The following CNIH3 variants were observed in gnomAD, a reference collection of about 807,000 sequenced individuals.
CNIH3 encodes the protein cornichon family AMPA receptor auxiliary protein 3, also known as protein cornichon homolog 3.
In CNIH3, 14 loss-of-function variants were observed where a neutral mutation model predicts 24.1. The ratio of observed to expected loss-of-function variants is 0.58; its 90% CI spans 0.38 to 0.91. The LOEUF is 0.91. Ranked by LOEUF, CNIH3 falls within the 40% of genes least tolerant of loss-of-function variation. The probability of loss-of-function intolerance (pLI) is 0.00; values close to 1 mark genes in which losing one functional copy is unlikely to be tolerated. For synonymous variants in CNIH3, 68 were observed against 73.8 expected (o/e 0.92, Z 0.40); for missense variants, 178 against 196.8 (o/e 0.90, Z 0.57).
At position 224,684,850 on chromosome 1, in the gene CNIH3, G is replaced by A; in HGVS notation, c.198+7G>A. 6.2e-7 allele frequency: 1 copy of A among 1,613,770 alleles called. No individual in the cohort carries two copies. ...CTGCTTCCTTCTGCGAAAGGTCAGTGTGGCAGCTTCATGCCGAGGATGGAG... is the reference window on the plus strand; with the variant it reads ...CTGCTTCCTTCTGCGAAAGGTCAGTATGGCAGCTTCATGCCGAGGATGGAG... On this transcript the variant is annotated splice_region_variant and intron_variant, in intron 3 of 5. Coordinates refer to ENST00000272133, the MANE Select transcript of CNIH3 (RefSeq NM_152495.2). The surrounding 1 kb of genome is among the most constrained non-coding windows in gnomAD (Gnocchi z 4.2).
At chr1:224,615,042 G>A (rs1682887003), upstream of CNIH3, among the ~76,000 whole-genome samples, 1 of 152,148 alleles carries the variant, frequency 6.6e-6, no homozygotes, top group Admixed American at 6.5e-5. Flanking sequence ...CCAGGATTAG[G>A]AGTCCGCAGA....
intron 1 of CNIH3, chr1:224,434,924 G>C: frequency 3.0e-6 from 3 of 985,884 alleles, no homozygotes; most frequent in South Asian, 4.7e-5. Flanking sequence ...CCGGGGGTCA[G>C]GGGAGGGAGG....
intron 1 of CNIH3, among the ~76,000 whole-genome samples, chr1:224,455,178 A>G (rs1439166954): frequency 2.0e-5 from 3 of 152,172 alleles, no homozygotes; most frequent in Non-Finnish European, 4.4e-5. Flanking sequence ...TGAATACTGT[A>G]CAGAAAGTAA....
At chr1:224,545,190 G>A (rs1483877118) in intron 2 of CNIH3, among the ~76,000 whole-genome samples, 1 of 152,152 alleles carries the variant, frequency 6.6e-6, no homozygotes, top group Non-Finnish European at 1.5e-5. Flanking sequence ...CTCCCCAAAG[G>A]CAATGACTGT....
At chr1:224,492,629 A>G (rs1422099199) in intron 1 of CNIH3, among the ~76,000 whole-genome samples, 1 of 152,202 alleles carries the variant, frequency 6.6e-6, no homozygotes, top group Non-Finnish European at 1.5e-5. Context: ...CTAGTTTAAC[A>G]TATATACAAA....
Position 224,705,822 on chromosome 1 carries a change from TTTTTC to T in CNIH3, c.198+20991_198+20995del, listed in dbSNP as rs955401169. Among the ~76,000 whole-genome samples, 44 of 151,890 alleles carry T rather than the reference TTTTTC, an allele frequency of 2.9e-4. 1 individual carries two copies. The highest frequency in any genetic ancestry group is 9.4e-4 in the African/African-American group (39 of 41,484). ...TCCTTCACTTTTTTTTCTCTTTCTC[TTTTTC>T]TTTTCTTTTCTCTCTTTCTTTTCTT... On this transcript the variant is annotated intron_variant, in intron 3 of 5. Transcript: ENST00000272133.
chr1:224,656,209 T>C (rs980001032), intron 1 of CNIH3, among the ~76,000 whole-genome samples: 6 of 152,198 alleles, frequency 3.9e-5, no homozygotes, highest in African/African-American at 1.4e-4. Flanking sequence ...AGCATTCCAC[T>C]TATAATGGGA....
intron 3 of CNIH3, among the ~76,000 whole-genome samples, chr1:224,714,352 G>T (rs10915704): frequency 0.27 from 41,303 of 152,046 alleles, 6,977 homozygotes; most frequent in Middle Eastern, 0.45. Context: ...GAATCAGCTT[G>T]TTGGGACCAA....
intron 3 of CNIH3, among the ~76,000 whole-genome samples, chr1:224,607,732 C>G (rs1682493385): frequency 6.6e-6 from 1 of 152,054 alleles, no homozygotes; most frequent in Non-Finnish European, 1.5e-5. Flanking sequence ...GTCTCGGGGC[C>G]TACAAGGAGT....
chr1:224,683,212 A>G (rs958156188), intron 2 of CNIH3, among the ~76,000 whole-genome samples: 2 of 152,238 alleles, frequency 1.3e-5, no homozygotes, highest in Non-Finnish European at 2.9e-5. Context: ...GCATACTTCT[A>G]ATTAGTAAAC....
chr1:224,501,530 T>TATAC lies in CNIH3; in HGVS notation n.204-14211_204-14210insATAC, dbSNP rs201633019. Among the ~76,000 whole-genome samples, 467 of 149,484 alleles carry TATAC rather than the reference T, an allele frequency of 3.1e-3. 6 individuals carry two copies. Among genetic ancestry groups the TATAC allele is most frequent in the East Asian group, 0.015 (76 of 5,152 alleles). ...CTATATATATATATATATATATTTT[T>TATAC]TTTTTTTAACCCCAGAGTTCATGTT... is the stretch of plus-strand genomic sequence containing the variant. On this transcript the variant is annotated intron_variant and non_coding_transcript_variant, in intron 1 of 5. Coordinates refer to the CNIH3 transcript ENST00000471578.
At chr1:224,516,886 G>T (rs1678411734) in intron 1 of CNIH3, among the ~76,000 whole-genome samples, 1 of 151,188 alleles carries the variant, frequency 6.6e-6, no homozygotes, top group Non-Finnish European at 1.5e-5. Flanking sequence ...CCCCACTCTT[G>T]TTTTTTTTTG....
At chr1:224,537,187 T>C (rs1679320661), downstream of CNIH3, 1 of 152,266 alleles carries the variant, frequency 6.6e-6, no homozygotes. Context: ...TCAAGATCTT[T>C]ACCCTGAAAC....
In CNIH3 at chr1:224,669,950, C is replaced by T. The variant is rs540019641; in HGVS notation, c.82-11008C>T. Reference sequence around the variant, plus strand: ...TTGTGCCTTTTACACAATGGCATTCCCCCCACCCCCACACCCAACAGTCTT... The same window carrying T: ...TTGTGCCTTTTACACAATGGCATTCTCCCCACCCCCACACCCAACAGTCTT... On this transcript the variant is annotated intron_variant, in intron 1 of 5. Transcript: ENST00000272133. Among the ~76,000 whole-genome samples, 10 of 152,216 alleles carry T rather than the reference C, an allele frequency of 6.6e-5. No homozygotes were observed. In the South Asian group the frequency reaches 2.1e-3, roughly 32 times the overall value.
intron 3 of CNIH3, among the ~76,000 whole-genome samples, chr1:224,692,640 C>T (rs922873790): frequency 6.6e-6 from 1 of 152,186 alleles, no homozygotes; most frequent in African/African-American, 2.4e-5. Context: ...CTCCTTTAAT[C>T]TCACAACAAC....
At chr1:224,500,679 GA>G (rs11349415) in intron 1 of CNIH3, among the ~76,000 whole-genome samples, 107,464 of 148,196 alleles carry the variant, frequency 0.73, 39,826 homozygotes, top group Middle Eastern at 0.86. Context: ...AAAAAGCAAA[GA>G]AAAAAAAAAA....
rs533554112 is a variant in CNIH3, at chr1:224,492,461, A to G, written n.204-23280A>G. Among the ~76,000 whole-genome samples, 549 of 152,354 alleles carry G rather than the reference A, an allele frequency of 3.6e-3. 4 individuals are homozygous for G. The highest frequency in any genetic ancestry group is 0.012 in the African/African-American group (516 of 41,588). The stretch of plus-strand genomic sequence containing the variant: ...AAGAGGATGGATTTTTATTGAGCCT[A>G]AGTAAATAACCTACATGACGTAAAG... On this transcript the variant is annotated intron_variant and non_coding_transcript_variant, in intron 1 of 5. Transcript: ENST00000471578.
downstream of CNIH3, among the ~76,000 whole-genome samples, chr1:224,537,862 A>G (rs957924659): frequency 4.6e-5 from 7 of 152,220 alleles, no homozygotes; most frequent in Non-Finnish European, 8.8e-5. Flanking sequence ...AGTACCATCC[A>G]TAATAAGCAA....
At position 224,660,431 on chromosome 1, in the gene CNIH3, G is replaced by A. The variant is rs890707432; in HGVS notation, c.82-20527G>A. Among the ~76,000 whole-genome samples, 13 of 152,106 alleles carry A rather than the reference G, an allele frequency of 8.5e-5. No homozygotes were observed. In the East Asian group the frequency reaches 1.2e-3, roughly 13 times the overall value. ...ATTTGGTTGGGGACACAGCCAAACC[G>A]TGTCAGATAACTTCTGAATTAAACA... On this transcript the variant is annotated intron_variant, in intron 1 of 5. Coordinates refer to ENST00000272133, the MANE Select transcript of CNIH3 (RefSeq NM_152495.2).
Sources: gnomAD v4.1 joint callset for allele counts (sites outside exome capture counted in the v4.1 genomes callset) on GRCh38, gnomAD v4.1.1 for gene constraint, Gnocchi (gnomAD v3.1) non-coding constraint, MANE v1.5 for transcripts, NCBI Gene and HGNC (gene_info 2026-07-23, HGNC 2026-07-21) for gene names.